GPHN: variants seen among roughly 807,000 people sequenced by gnomAD.
The protein encoded by GPHN is gephyrin.
Under a neutral mutation model 95.5 loss-of-function variants are expected in GPHN, and 17 were observed. That is an observed-to-expected ratio of 0.18 (90% CI 0.12 to 0.27). The LOEUF (loss-of-function observed/expected upper bound fraction) is 0.27, where lower values mean the gene tolerates loss of function less well. GPHN is among the 10% of genes least tolerant of loss of function. GPHN has a pLI of 1.00. For synonymous variants in GPHN, 320 were observed against 322.5 expected (o/e 0.99, Z 0.08); for missense variants, 660 against 978.1 (o/e 0.67, Z 4.34).
At chr14:66,969,590 A>G (rs1268559299) in intron 9 of GPHN, 2 of 152,250 alleles carry the variant, frequency 1.3e-5, no homozygotes, top group Non-Finnish European at 2.9e-5. Context: ...GCTTGAGGAC[A>G]GGAGTTCGAG....
the GPHN span, among the ~76,000 whole-genome samples, chr14:67,275,947 C>T: frequency 6.6e-6 from 1 of 152,148 alleles, no homozygotes; most frequent in Admixed American, 6.5e-5. Context: ...GTTTGTATTT[C>T]TGTGGGGTTG....
chr14:67,383,557 T>TAA, the GPHN span: 1 of 1,419,138 alleles, frequency 7.0e-7, no homozygotes, highest in Non-Finnish European at 9.6e-7. Flanking sequence ...TTTTTATTTC[T>TAA]AAGTATTTAA....
At chr14:66,990,890 A>G (rs1254021689) in intron 9 of GPHN, among the ~76,000 whole-genome samples, 1 of 151,824 alleles carries the variant, frequency 6.6e-6, no homozygotes, top group Non-Finnish European at 1.5e-5. Flanking sequence ...TTAAATATTT[A>G]ATATAGAAGG....
At chr14:66,829,962 A>G (rs760253794) in intron 4 of GPHN, among the ~76,000 whole-genome samples, 1 of 152,160 alleles carries the variant, frequency 6.6e-6, no homozygotes, top group Non-Finnish European at 1.5e-5. Context: ...AAGGAGAGTA[A>G]TATTTGTGAG....
chr14:66,780,107 C>T (rs1466109716), intron 3 of GPHN, among the ~76,000 whole-genome samples: 1 of 152,168 alleles, frequency 6.6e-6, no homozygotes, highest in African/African-American at 2.4e-5. Flanking sequence ...ACTCAGATTT[C>T]TGGCTTGGGA....
At chr14:66,659,893 C>T (rs1282337024) in intron 1 of GPHN, among the ~76,000 whole-genome samples, 1 of 152,040 alleles carries the variant, frequency 6.6e-6, no homozygotes, top group Non-Finnish European at 1.5e-5. Context: ...GGTGTATTTA[C>T]ACCATTTACA....
the GPHN span, chr14:67,586,321 C>A: frequency 7.6e-7 from 1 of 1,318,152 alleles, no homozygotes; most frequent in Non-Finnish European, 1.1e-6. Flanking sequence ...CTAACTCTGG[C>A]CTAGCTACTA....
At chr14:67,498,070 C>T in the GPHN span, among the ~76,000 whole-genome samples, 6 of 152,068 alleles carry the variant, frequency 3.9e-5, no homozygotes, top group Non-Finnish European at 5.9e-5. Context: ...GATCCAGAAC[C>T]GCCAAAGAGA....
intron 1 of GPHN, among the ~76,000 whole-genome samples, chr14:66,596,253 C>T (rs992991864): frequency 4.6e-5 from 7 of 152,032 alleles, no homozygotes; most frequent in Admixed American, 2.0e-4. Flanking sequence ...AAGCCATGGG[C>T]AGGCCCAGAA....
intron 9 of GPHN, 69 bp downstream of exon 9, chr14:66,965,394 C>A: frequency 7.3e-7 from 1 of 1,371,916 alleles, no homozygotes; most frequent in Non-Finnish European, 1.0e-6. Context: ...ACCAATATTT[C>A]CTCCTGCTTG....
the GPHN span, among the ~76,000 whole-genome samples, chr14:67,212,927 T>C: frequency 0.2 from 30,470 of 150,964 alleles, 4,773 homozygotes; most frequent in East Asian, 0.44. Context: ...TTCTTGGCTG[T>C]TCAAGCAAAG....
At chr14:66,831,282 A>G (rs1443617079) in intron 4 of GPHN, among the ~76,000 whole-genome samples, 1 of 152,190 alleles carries the variant, frequency 6.6e-6, no homozygotes, top group Non-Finnish European at 1.5e-5. Flanking sequence ...AATACCTGTT[A>G]TACATGGTAA....
At chr14:67,579,905 C>T in the GPHN span, 1 of 1,567,366 alleles carries the variant, frequency 6.4e-7, no homozygotes, top group South Asian at 1.2e-5. Flanking sequence ...GCCAGCTGAG[C>T]CCCTCCCTGC....
intron 4 of GPHN, among the ~76,000 whole-genome samples, chr14:66,847,583 A>G (rs2062388483): frequency 6.6e-6 from 1 of 152,080 alleles, no homozygotes; most frequent in Admixed American, 6.6e-5. Flanking sequence ...ATCTAATAAC[A>G]AGAAAATTCT....
chr14:66,984,660 T>C (rs1216578290), intron 9 of GPHN, among the ~76,000 whole-genome samples: 2 of 152,208 alleles, frequency 1.3e-5, no homozygotes, highest in African/African-American at 4.8e-5. Context: ...TTCAGGTTTC[T>C]ATTATTTCTT....
the GPHN span, among the ~76,000 whole-genome samples, chr14:67,549,293 C>T: frequency 6.8e-6 from 1 of 148,140 alleles, no homozygotes; most frequent in Non-Finnish European, 1.5e-5. Flanking sequence ...TTTTTTGAGA[C>T]AGAGTCTCAC....
chr14:67,353,141 T>A, the GPHN span: 1 of 851,106 alleles, frequency 1.2e-6, no homozygotes, highest in Non-Finnish European at 1.8e-6. Context: ...TCCTTTGATG[T>A]GATGAAAGTG....
At chr14:66,567,699 ATTAC>A (rs528896585) in intron 1 of GPHN, among the ~76,000 whole-genome samples, 79 of 152,234 alleles carry the variant, frequency 5.2e-4, no homozygotes, top group African/African-American at 1.7e-3. Context: ...TTTTATTGGT[ATTAC>A]TTTTGTTGCT....
intron 11 of GPHN, among the ~76,000 whole-genome samples, chr14:67,063,060 C>T (rs1176338793): frequency 1.3e-5 from 2 of 152,166 alleles, no homozygotes; most frequent in African/African-American, 4.8e-5. Flanking sequence ...TTAGGTCTAA[C>T]ATTTAAGTCT....
Sources: allele counts gnomAD v4.1 joint callset (sites outside exome capture counted in the v4.1 genomes callset), GRCh38; gene constraint gnomAD v4.1.1; transcripts MANE v1.5; gene names NCBI Gene and HGNC (gene_info 2026-07-23, HGNC 2026-07-21).